Variants in ITPR1 observed in about 807,000 individuals in gnomAD.
The protein encoded by ITPR1 is inositol 1,4,5-trisphosphate-gated calcium channel ITPR1.
Under a neutral mutation model 318.4 loss-of-function variants are expected in ITPR1, and 96 were observed. The observed-to-expected ratio is 0.30, with a 90% CI of 0.26 to 0.36. ITPR1 has a LOEUF of 0.36. ITPR1 is among the 10% of genes least tolerant of loss of function. The pLI, the probability that ITPR1 is intolerant of heterozygous loss-of-function variation, is 1.00. For missense variants in ITPR1, 2,440 were observed against 3,460.2 expected (o/e 0.71, Z 7.40); for synonymous variants, 1,312 against 1,289.9 (o/e 1.02, Z -0.37).
intron 49 of ITPR1, among the ~76,000 whole-genome samples, chr3:4,780,746 T>A (rs1008475145): frequency 6.6e-6 from 1 of 152,180 alleles, no homozygotes; most frequent in African/African-American, 2.4e-5. Context: ...TGAGTTTACA[T>A]AACAAGCTTA....
chr3:4,649,898 C>G (rs932725769), intron 10 of ITPR1, among the ~76,000 whole-genome samples: 1 of 152,106 alleles, frequency 6.6e-6, no homozygotes, highest in African/African-American at 2.4e-5. Context: ...GGCCTCATGA[C>G]CTAATCACCT....
chr3:4,597,010 A>G (rs2090880468), intron 4 of ITPR1, among the ~76,000 whole-genome samples: 1 of 152,218 alleles, frequency 6.6e-6, no homozygotes, highest in African/African-American at 2.4e-5. Context: ...TTGAGTGAGT[A>G]CATTTGCTCA....
chr3:4,731,335 C>T (rs79637472), intron 42 of ITPR1, among the ~76,000 whole-genome samples: 1,619 of 152,168 alleles, frequency 0.011, 31 homozygotes, highest in Admixed American at 0.051. Context: ...CATCTTGCAC[C>T]GAAACTTTCT....
At chr3:4,586,040 A>G (rs1041681139) in intron 4 of ITPR1, among the ~76,000 whole-genome samples, 9 of 150,066 alleles carry the variant, frequency 6.0e-5, no homozygotes, top group Non-Finnish European at 8.8e-5. Flanking sequence ...TGTCCTTGTG[A>G]TAGTTTGCTG....
chr3:4,721,288 A>G (rs899470493), intron 40 of ITPR1, among the ~76,000 whole-genome samples: 32 of 151,182 alleles, frequency 2.1e-4, no homozygotes, highest in African/African-American at 7.6e-4. Flanking sequence ...GAACTTTGCT[A>G]TTGGGTTCTG....
intron 39 of ITPR1, among the ~76,000 whole-genome samples, chr3:4,714,954 C>T (rs2041656646): frequency 6.6e-6 from 1 of 152,158 alleles, no homozygotes; most frequent in African/African-American, 2.4e-5. Context: ...CACTAGTTTC[C>T]TAGATTATAA....
chr3:4,513,139 A>G (rs1459754478), intron 2 of ITPR1, among the ~76,000 whole-genome samples: 2 of 152,164 alleles, frequency 1.3e-5, no homozygotes, highest in Admixed American at 1.3e-4. Flanking sequence ...TCTCCCACCC[A>G]GCTCTGAACA....
intron 23 of ITPR1, 99 bp from the exon 24 acceptor site, chr3:4,676,515 T>C (rs1290980875): frequency 3.7e-6 from 3 of 801,256 alleles, no homozygotes; most frequent in East Asian, 2.7e-5. Flanking sequence ...AATAGGGATA[T>C]GTTAAATAAT....
intron 51 of ITPR1, among the ~76,000 whole-genome samples, chr3:4,785,766 G>C (rs931730435): frequency 2.6e-5 from 4 of 152,190 alleles, no homozygotes; most frequent in Non-Finnish European, 4.4e-5. Flanking sequence ...TGTGAACAAG[G>C]TCACCTAGCT....
intron 60 of ITPR1, among the ~76,000 whole-genome samples, chr3:4,818,478 G>A (rs1032129535): frequency 2.0e-5 from 3 of 152,072 alleles, no homozygotes; most frequent in East Asian, 1.9e-4. Flanking sequence ...GTTGAGCCTC[G>A]GTGAGATTAG....
In ITPR1 at chr3:4,562,087, T is replaced by TAAA. The variant is rs2086732979; in HGVS notation, c.163+40993_163+40994insAAA. Reference sequence around the variant, plus strand: ...AATACACTAACAACAGCTTATGAGCTTAAATAAATAAATAAATAAATAAAT... The same window carrying TAAA: ...AATACACTAACAACAGCTTATGAGCTAAATAAATAAATAAATAAATAAATAAAT... On this transcript the variant is annotated intron_variant, in intron 4 of 61. Coordinates refer to ENST00000649015, the MANE Select transcript of ITPR1 (RefSeq NM_001378452.1). 3.4e-5 allele frequency among the ~76,000 whole-genome samples: 5 copies of TAAA among 149,028 alleles called. No individual in the cohort carries two copies. The East Asian group carries it at 8.0e-4, about 24-fold the overall frequency.
At chr3:4,770,922 G>C (rs1479567388) in intron 46 of ITPR1, among the ~76,000 whole-genome samples, 3 of 152,116 alleles carry the variant, frequency 2.0e-5, no homozygotes, top group African/African-American at 7.2e-5. Flanking sequence ...CAGGCAAAGG[G>C]GGAGTGAGTG....
chr3:4,691,095 G>A (rs149514907), intron 31 of ITPR1, 49 bp from the exon 32 acceptor site: 1 of 1,333,396 alleles, frequency 7.5e-7, no homozygotes, highest in South Asian at 1.5e-5. Flanking sequence ...AATCTGTTCT[G>A]TCAGCTTTTT....
At chr3:4,820,932 C>T (rs779210863) in intron 60 of ITPR1, among the ~76,000 whole-genome samples, 6 of 152,174 alleles carry the variant, frequency 3.9e-5, no homozygotes, top group Admixed American at 1.3e-4. Flanking sequence ...CTCAGAGCTG[C>T]GGTGCAGAGG....
At chr3:4,697,631 T>C (rs2125256684) in intron 34 of ITPR1, among the ~76,000 whole-genome samples, 1 of 152,026 alleles carries the variant, frequency 6.6e-6, no homozygotes, top group African/African-American at 2.4e-5. Flanking sequence ...TTTGTATTTT[T>C]AGTAGAAACA....
chr3:4,570,784 A>C (rs1389162), intron 4 of ITPR1, among the ~76,000 whole-genome samples: 23,007 of 152,210 alleles, frequency 0.15, 2,556 homozygotes, highest in African/African-American at 0.31. Context: ...GTGGTGATAA[A>C]TGGATCAGAA....
In ITPR1 at chr3:4,742,173, G is replaced by A. The variant is rs182579970; in HGVS notation, c.5544+6819G>A. Among the ~76,000 whole-genome samples, 451 of 152,262 alleles carry A rather than the reference G, an allele frequency of 3.0e-3. 6 individuals carry two copies. Among genetic ancestry groups the A allele is most frequent in the African/African-American group, 0.01 (423 of 41,544 alleles). On this transcript the variant is annotated intron_variant, in intron 44 of 61. Coordinates refer to ENST00000649015, the MANE Select transcript of ITPR1 (RefSeq NM_001378452.1). ...TGGAAGGAGAGAGCCTATCAACTGC[G>A]GGCCTCCAGACCACAATATTTGTGC...
intron 59 of ITPR1, 68 bp downstream of exon 59, chr3:4,815,286 C>T (rs1474281148): frequency 7.3e-6 from 11 of 1,512,948 alleles, no homozygotes; most frequent in East Asian, 4.6e-5. Context: ...GTGGATACTG[C>T]GAGGGTGTGA....
At chr3:4,760,632 T>C (rs1166076055) in intron 44 of ITPR1, among the ~76,000 whole-genome samples, 1 of 152,214 alleles carries the variant, frequency 6.6e-6, no homozygotes, top group African/African-American at 2.4e-5. Flanking sequence ...CTAAAGCAAG[T>C]GTTGGCAGGC....
Sources: gnomAD v4.1 joint callset for allele counts (sites outside exome capture counted in the v4.1 genomes callset) on GRCh38, gnomAD v4.1.1 for gene constraint, MANE v1.5 for transcripts, NCBI Gene and HGNC (gene_info 2026-07-23, HGNC 2026-07-21) for gene names.